ASPM: variants seen among roughly 807,000 people sequenced by gnomAD.
ASPM encodes the protein assembly factor for spindle microtubules, also known as abnormal spindle-like microcephaly-associated protein.
Under a neutral mutation model 366.4 loss-of-function variants are expected in ASPM, and 256 were observed. The observed-to-expected ratio is 0.70, with a 90% CI of 0.63 to 0.77. The LOEUF (loss-of-function observed/expected upper bound fraction) is 0.77, where lower values mean the gene tolerates loss of function less well. ASPM is among the 30% of genes least tolerant of loss of function. ASPM has a pLI of 0.00. For missense variants in ASPM, 4,146 were observed against 4,090.4 expected (o/e 1.01, Z -0.37); for synonymous variants, 1,414 against 1,342.9 (o/e 1.05, Z -1.16).
chr1:197,097,758 A>G (rs1226794045), intron 18 of ASPM, among the ~76,000 whole-genome samples: 6 of 151,708 alleles, frequency 4.0e-5, no homozygotes, highest in Admixed American at 1.3e-4. Flanking sequence ...AGACTGGTTA[A>G]TGGTAACACT....
chr1:197,145,093 T>C (rs184778602), intron 1 of ASPM, among the ~76,000 whole-genome samples: 6 of 152,258 alleles, frequency 3.9e-5, no homozygotes, highest in Admixed American at 3.9e-4. Context: ...GAAGTGTAGA[T>C]AGATGAACCA....
In ASPM at chr1:197,104,965, G is replaced by C. The variant is rs746388015; in HGVS notation, c.4286C>G (p.Ser1429Cys). The change falls in exon 18 of 28, where the codon TCT (serine) becomes TGT (cysteine). Residue 1429 changes from serine to cysteine, a missense_variant. Ser to Cys is a moderately radical substitution (Grantham distance 112). Coordinates refer to ENST00000367409, the MANE Select transcript of ASPM (RefSeq NM_018136.5). ...MLKSSTLIIQ[S>C]MFRKWKQRKM... Reference sequence around the variant, plus strand: ...ACGTTGCTTCCATTTTCTGAACATAGATTGGATTATAAGAGTTGATGATTT... The same window carrying C: ...ACGTTGCTTCCATTTTCTGAACATACATTGGATTATAAGAGTTGATGATTT... 6.2e-7 allele frequency: 1 copy of C among 1,611,792 alleles called. No individual in the cohort carries two copies. Among genetic ancestry groups the C allele is most frequent in the African/African-American group, 1.3e-5 (1 of 74,772 alleles).
intron 4 of ASPM, among the ~76,000 whole-genome samples, chr1:197,135,993 T>C (rs1658409865): frequency 1.3e-5 from 2 of 152,218 alleles, no homozygotes; most frequent in South Asian, 4.1e-4. Context: ...TCTTGAAAGC[T>C]CAGAGAGAAG....
At chr1:197,115,776 C>T (rs896217796) in intron 17 of ASPM, among the ~76,000 whole-genome samples, 3 of 152,082 alleles carry the variant, frequency 2.0e-5, no homozygotes, top group African/African-American at 2.4e-5. Flanking sequence ...TTCAGTAAAC[C>T]CTGCTATAAA....
In ASPM at chr1:197,088,414, C is replaced by T. The variant is rs1453744435; in HGVS notation, c.10003G>A (p.Ala3335Thr). The change falls in exon 26 of 28, where the codon GCA (alanine) becomes ACA (threonine). Residue 3335 changes from alanine to threonine, a missense_variant. Coordinates refer to ENST00000367409, the MANE Select transcript of ASPM (RefSeq NM_018136.5). ...ATACAATTTTCTACATCATAAACTGCTGAAGTAGTTTTCTCATACTTGAAG... is the reference window on the plus strand; with the variant it reads ...ATACAATTTTCTACATCATAAACTGTTGAAGTAGTTTTCTCATACTTGAAG... ...NVSKYEKTTS[A>T]VYDVENCIDI... 1.9e-6 allele frequency: 3 copies of T among 1,604,182 alleles called. No individual in the cohort carries two copies. The highest frequency in any genetic ancestry group is 2.6e-6 in the Non-Finnish European group (3 of 1,172,880).
At chr1:197,139,916 T>G in intron 3 of ASPM, 45 bp from the exon 4 acceptor site, 1 of 1,304,046 alleles carries the variant, frequency 7.7e-7, no homozygotes, top group Non-Finnish European at 1.1e-6. Flanking sequence ...AAAATACAAA[T>G]TCCCTAAATA....
At chr1:197,095,059 C>T (rs1478832509) in intron 19 of ASPM, among the ~76,000 whole-genome samples, 2 of 151,658 alleles carry the variant, frequency 1.3e-5, no homozygotes, top group African/African-American at 2.4e-5. Flanking sequence ...ATGGGATATC[C>T]ATCACCTCGA....
chr1:197,117,139 T>C (rs11806768), intron 17 of ASPM, among the ~76,000 whole-genome samples: 2,011 of 152,208 alleles, frequency 0.013, 49 homozygotes, highest in African/African-American at 0.044. Flanking sequence ...TCAATAATGG[T>C]AGCCAGACAC....
At position 197,100,669 on chromosome 1, in the gene ASPM, C is replaced by T; in HGVS notation, c.8582G>A (p.Arg2861Lys). 1 of 1,612,260 alleles carries T rather than the reference C, an allele frequency of 6.2e-7. No individual in the cohort carries two copies. The highest frequency in any genetic ancestry group is 2.2e-5 in the East Asian group (1 of 44,792). The change falls in exon 18 of 28, where the codon AGA (arginine) becomes AAA (lysine). Residue 2861 changes from arginine (R) to lysine (K), a missense_variant. Physicochemically the swap from Arg to Lys is conservative, Grantham distance 26. Coordinates refer to ENST00000367409, the MANE Select transcript of ASPM (RefSeq NM_018136.5). ...VYRRRFVQQK[R>K]AAITLQHYFR... ...ATAATGCTGTAAAGTGATAGCAGCT[C>T]TTTTCTGCTGAACAAATCTTCTCCG...
Position 197,133,434 on chromosome 1 carries a change from C to A in ASPM, c.2335G>T (p.Val779Phe), listed in dbSNP as rs930104995. The change falls in exon 6 of 28, where the codon GTT (valine) becomes TTT (phenylalanine). Residue 779 changes from valine (V) to phenylalanine (F), a missense_variant. By Grantham distance (50) the Val-to-Phe change is conservative. Transcript: ENST00000367409. ...ACRLFTSEKMVKAIKKLEIEI... is the reference protein window; with the variant it reads ...ACRLFTSEKMFKAIKKLEIEI... ...ATTTCAAGCTTTTTAATAGCTTTAA[C>A]CATTTTTTCAGAAGTAAACAAACGG... 1 of 1,614,022 alleles carries A rather than the reference C, an allele frequency of 6.2e-7. No homozygotes were observed. The highest frequency in any genetic ancestry group is 1.3e-5 in the African/African-American group (1 of 75,024).
At position 197,104,873 on chromosome 1, in the gene ASPM, T is replaced by G. The variant is rs1657360435; in HGVS notation, c.4378A>C (p.Lys1460Gln). 1 of 1,603,866 alleles carries G rather than the reference T, an allele frequency of 6.2e-7. No individual in the cohort carries two copies. Among genetic ancestry groups the G allele is most frequent in the Non-Finnish European group, 8.5e-7 (1 of 1,176,368 alleles). ...QRAFREWHLR[K>Q]QAKEENSAII... is the part of the protein sequence containing the mutation. ...GCAGAATTTTCTTCTTTAGCTTGTTTTCTTAAATGCCATTCTCTAAAAGCT... is the reference window on the plus strand; with the variant it reads ...GCAGAATTTTCTTCTTTAGCTTGTTGTCTTAAATGCCATTCTCTAAAAGCT... The change falls in exon 18 of 28, where the codon AAA becomes CAA. Residue 1460 changes from lysine to glutamine, a missense_variant. Coordinates refer to ENST00000367409, the MANE Select transcript of ASPM (RefSeq NM_018136.5).
chr1:197,101,317 A>T lies in ASPM; in HGVS notation c.7934T>A (p.Leu2645His), dbSNP rs763079012. The T allele has an allele frequency of 1.2e-6, 2 of 1,611,694 alleles. No individual in the cohort carries two copies. Among genetic ancestry groups the T allele is most frequent in the Non-Finnish European group, 1.7e-6 (2 of 1,178,914 alleles). Residue 2645 changes from leucine (L) to histidine (H), a missense_variant, in exon 18 of 28, where the codon CTC becomes CAC. By Grantham distance (99) the Leu-to-His change is moderately conservative. Around this residue, in one of 3 missense-constraint regions of ASPM, gnomAD observed 3,624 missense variants for 3,591.7 expected, o/e 1.01. Coordinates refer to ENST00000367409, the MANE Select transcript of ASPM (RefSeq NM_018136.5). ...AGAAACTACTGTTGCTCTAAGGTGG[A>T]GATAATGCTTCCTTATTTTAAAGGC... ...CKAFKIRKHY[L>H]HLRATVVSIQ... is the part of the protein sequence containing the mutation.
chr1:197,096,149 A>C lies in ASPM; in HGVS notation c.8836T>G (p.Tyr2946Asp). 1 of 1,605,532 alleles carries C rather than the reference A, an allele frequency of 6.2e-7. No homozygotes were observed. The highest frequency in any genetic ancestry group is 8.5e-7 in the Non-Finnish European group (1 of 1,173,796). Reference protein sequence around the residue: ...TIKIQAMWRRYRAKKYLCKVK... With the variant: ...TIKIQAMWRRDRAKKYLCKVK... ...TTACATAAATATTTCTTGGCTCTAT[A>C]TCTCCTCCACATAGCCTATTAAATA... Residue 2946 changes from tyrosine (Y) to aspartate (D), a missense_variant, in exon 19 of 28, where the codon TAT becomes GAT. Tyr to Asp is a radical substitution (Grantham distance 160, BLOSUM62 -3). Around this residue, in one of 3 missense-constraint regions of ASPM, gnomAD observed 3,624 missense variants for 3,591.7 expected, o/e 1.01. Transcript: ENST00000367409.
Position 197,121,964 on chromosome 1 carries a change from T to A in ASPM, c.3821A>T (p.Gln1274Leu), listed in dbSNP as rs148364673. The A allele has an allele frequency of 1.2e-6, 2 of 1,611,828 alleles. No individual in the cohort carries two copies. The highest frequency in any genetic ancestry group is 1.7e-5 in the Admixed American group (1 of 59,944). Residue 1274 changes from glutamine (Q) to leucine (L), a missense_variant, in exon 16 of 28, where the codon CAA (glutamine) becomes CTA (leucine). This residue lies in a region of ASPM where 3,624 missense variants were observed against 3,591.7 expected (regional missense o/e 1.01). Transcript: ENST00000367409. ...TAGTTTATATTTTCTCCATGTTGTT[T>A]GTATGAGTCGAGCAGCTCTTATTTC... The part of the protein sequence containing the change: ...RKEIRAARLI[Q>L]TTWRKYKLKT...
At chr1:197,095,160 C>T (rs1656930598) in intron 19 of ASPM, among the ~76,000 whole-genome samples, 2 of 151,592 alleles carry the variant, frequency 1.3e-5, no homozygotes, top group Admixed American at 1.3e-4. Flanking sequence ...ACTATAGTTG[C>T]CCTATTGTGC....
Position 197,101,942 on chromosome 1 carries a change from C to T in ASPM, c.7309G>A (p.Val2437Ile), listed in dbSNP as rs200578490. 6.2e-7 allele frequency: 1 copy of T among 1,612,526 alleles called. No individual in the cohort carries two copies. Among genetic ancestry groups the T allele is most frequent in the African/African-American group, 1.3e-5 (1 of 74,768 alleles). ...ATGGTGGCTCGATATTTCCTCTGAA[C>T]AAAAATAGTAGCTTTTTTGAGGGAA... ...FISLKKATIFVQRKYRATICA... is the reference protein window; with the variant it reads ...FISLKKATIFIQRKYRATICA... The change falls in exon 18 of 28, where the codon GTT becomes ATT. Residue 2437 changes from valine to isoleucine, a missense_variant. Coordinates refer to ENST00000367409, the MANE Select transcript of ASPM (RefSeq NM_018136.5).
rs1210141528 is a variant in ASPM at position 197,142,789 on chromosome 1, T to C, written c.1463A>G (p.Lys488Arg). The change falls in exon 3 of 28, where the codon AAG becomes AGG. Residue 488 changes from lysine to arginine, a missense_variant. Transcript: ENST00000367409. ...AGTGGCAGAAAGTATTGGACGTCTC[T>C]TAGGTTGTTTATTGTGGCTATGACT... ...ISSHSHNKQPKRRPILSATVT... is the reference protein window; with the variant it reads ...ISSHSHNKQPRRRPILSATVT... The C allele has an allele frequency of 6.2e-7, 1 of 1,613,576 alleles. No individual in the cohort carries two copies.
At position 197,142,301 on chromosome 1, in the gene ASPM, A is replaced by G. The variant is rs1489983166; in HGVS notation, c.1921+30T>C. ...AAGGAAGTATCCCCTTTACAGGTAT[A>G]CTTCAGTAGATTTTATAAACAAGAC... On this transcript the variant is annotated intron_variant, in intron 3 of 27. Transcript: ENST00000367409. 1.9e-6 allele frequency: 3 copies of G among 1,605,258 alleles called. No individual in the cohort carries two copies. In the African/African-American group the frequency reaches 4.0e-5, roughly 21 times the overall value.
intron 4 of ASPM, among the ~76,000 whole-genome samples, chr1:197,136,540 GAAGTT>G (rs201252382): frequency 0.013 from 2,049 of 152,210 alleles, 47 homozygotes; most frequent in African/African-American, 0.046. Context: ...GTATGTGATT[GAAGTT>G]AAGTTGAAAT....
Sources: gnomAD v4.1 joint callset for allele counts (sites outside exome capture counted in the v4.1 genomes callset) on GRCh38, gnomAD v4.1.1 for gene constraint, gnomAD v4.1.1 regional missense constraint, MANE v1.5 for transcripts, NCBI Gene and HGNC (gene_info 2026-07-23, HGNC 2026-07-21) for gene names.